HS6ST2: variants seen among roughly 807,000 people sequenced by gnomAD.
HS6ST2 encodes the protein heparan-sulfate 6-O-sulfotransferase 2.
HS6ST2 carries 17 observed loss-of-function variants against 33.0 expected under a neutral mutation model. That is an observed-to-expected ratio of 0.52 (90% CI 0.35 to 0.77). HS6ST2 has a LOEUF of 0.77. Among genes scored for constraint, HS6ST2 ranks in the 30% least tolerant of loss-of-function variants. The pLI, the probability that HS6ST2 is intolerant of heterozygous loss-of-function variation, is 0.01. For missense variants in HS6ST2, 519 were observed against 551.7 expected (o/e 0.94, Z 0.59); for synonymous variants, 248 against 237.1 (o/e 1.05, Z -0.42).
intron 2 of HS6ST2, among the ~76,000 whole-genome samples, chrX:132,805,843 A>T (rs1178659037): frequency 9.0e-6 from 1 of 110,656 alleles, no homozygotes; most frequent in Non-Finnish European, 1.9e-5. Context: ...GACACCCACT[A>T]GAGGCCACCT....
chrX:132,774,950 G>A (rs1284620079), intron 2 of HS6ST2, among the ~76,000 whole-genome samples: 1 of 110,895 alleles, frequency 9.0e-6, no homozygotes. Flanking sequence ...AAAATTGCTG[G>A]GATTACAAGC....
intron 2 of HS6ST2, among the ~76,000 whole-genome samples, chrX:132,878,389 T>C (rs1176222947): frequency 8.9e-6 from 1 of 112,135 alleles, no homozygotes; most frequent in African/African-American, 3.2e-5. Context: ...GCAGGTTCCC[T>C]TATCTGCACA....
chrX:132,847,097 C>T (rs927357871), intron 2 of HS6ST2, among the ~76,000 whole-genome samples: 7 of 111,348 alleles, frequency 6.3e-5, no homozygotes, highest in African/African-American at 2.0e-4. Context: ...GGTCTTGAAA[C>T]ACTACAGCTG....
At chrX:132,674,722 C>T (rs946554202) in intron 3 of HS6ST2, among the ~76,000 whole-genome samples, 1 of 112,216 alleles carries the variant, frequency 8.9e-6, no homozygotes, top group African/African-American at 3.2e-5. Context: ...TCTTTACCAA[C>T]AGTATGGACC....
At chrX:132,723,129 G>A (rs1261005090) in intron 2 of HS6ST2, among the ~76,000 whole-genome samples, 3 of 111,007 alleles carry the variant, frequency 2.7e-5, no homozygotes, top group Admixed American at 9.6e-5. Context: ...TGAACCATGA[G>A]GAAATCCTAA....
chrX:132,746,011 A>G (rs1167296078), intron 2 of HS6ST2, among the ~76,000 whole-genome samples: 2 of 112,135 alleles, frequency 1.8e-5, no homozygotes, highest in African/African-American at 3.2e-5. Context: ...AGCCTTGGCT[A>G]CAGTACAAAA....
chrX:132,936,065 A>C (rs1375333541), intron 2 of HS6ST2, among the ~76,000 whole-genome samples: 1 of 19,406 alleles, frequency 5.2e-5, no homozygotes. Context: ...TTCTTTGAAG[A>C]GATCAACAAA....
chrX:132,849,144 T>C (rs917509989), intron 2 of HS6ST2, among the ~76,000 whole-genome samples: 8 of 112,078 alleles, frequency 7.1e-5, no homozygotes, highest in African/African-American at 1.6e-4. Context: ...CTCTCTGTTG[T>C]AATTTTTAAT....
At chrX:132,951,492 C>A (rs757910703) in intron 2 of HS6ST2, among the ~76,000 whole-genome samples, 10 of 111,370 alleles carry the variant, frequency 9.0e-5, no homozygotes, top group African/African-American at 3.3e-4. Context: ...TGGCCTGTTC[C>A]TCATACTTTA....
intron 2 of HS6ST2, among the ~76,000 whole-genome samples, chrX:132,761,663 T>C (rs1434791200): frequency 8.9e-6 from 1 of 112,092 alleles, no homozygotes; most frequent in Non-Finnish European, 1.9e-5. Context: ...AGGAGAGTTA[T>C]TACATCTTCT....
intron 2 of HS6ST2, among the ~76,000 whole-genome samples, chrX:132,854,117 T>C (rs1728281857): frequency 8.9e-6 from 1 of 112,035 alleles, no homozygotes; most frequent in Non-Finnish European, 1.9e-5. Flanking sequence ...GCAGATCATC[T>C]TAACAGCGTT....
Position 132,753,976 on chromosome X carries a change from CAATT to C in HS6ST2, c.948-45486_948-45483del, listed in dbSNP as rs968035103. ...CTTGATTAATAAGGTACCTTTGTCA[CAATT>C]AATGAGCTAATATCAATTTGTTATT... On this transcript the variant is annotated intron_variant, in intron 2 of 4. Transcript: ENST00000370833. 6.2e-5 allele frequency among the ~76,000 whole-genome samples: 7 copies of C among 112,472 alleles called. No individual in the cohort carries two copies. In the East Asian group the frequency reaches 2.0e-3, roughly 31 times the overall value.
At position 132,873,779 on chromosome X, in the gene HS6ST2, T is replaced by C. The variant is rs745632063; in HGVS notation, c.947+83029A>G. ...AACAAACTTATGAACTTGTTAAGAA[T>C]AGAAGTATCCATATACTGAATGAGC... On this transcript the variant is annotated intron_variant, in intron 2 of 4. Coordinates refer to ENST00000370833, the MANE Select transcript of HS6ST2 (RefSeq NM_001394073.1). 4.4e-4 allele frequency among the ~76,000 whole-genome samples: 49 copies of C among 111,398 alleles called. 1 individual carries two copies. Among genetic ancestry groups the C allele is most frequent in the African/African-American group, 1.5e-3 (46 of 30,712 alleles).
rs1327685839 is a variant in HS6ST2, at chrX:132,952,540, TAC to T, written c.947+4266_947+4267del. Among the ~76,000 whole-genome samples the T allele has an allele frequency of 5.4e-5, 6 of 111,045 alleles. No individual in the cohort carries two copies. In the East Asian group the frequency reaches 1.7e-3, roughly 31 times the overall value. On this transcript the variant is annotated intron_variant, in intron 2 of 4. Transcript: ENST00000370833. ...CGTGGGCTTGTGAGGCATGATCAGGTACACACACTCTATAGTTACAGCTCTTT... is the reference window on the plus strand; with the variant it reads ...CGTGGGCTTGTGAGGCATGATCAGGTACACACTCTATAGTTACAGCTCTTT...
intron 2 of HS6ST2, among the ~76,000 whole-genome samples, chrX:132,944,869 AC>A (rs1283251385): frequency 9.0e-6 from 1 of 111,507 alleles, no homozygotes; most frequent in African/African-American, 3.3e-5. Context: ...TGGATTAAAG[AC>A]TTAAATGTTA....
At chrX:132,927,413 C>T (rs1269386899) in intron 2 of HS6ST2, among the ~76,000 whole-genome samples, 4 of 111,805 alleles carry the variant, frequency 3.6e-5, no homozygotes, top group African/African-American at 9.8e-5. Flanking sequence ...AGTCCCAATG[C>T]CTTCTCACTG....
At chrX:132,904,362 C>T (rs772599689) in intron 2 of HS6ST2, among the ~76,000 whole-genome samples, 1 of 110,774 alleles carries the variant, frequency 9.0e-6, no homozygotes, top group Non-Finnish European at 1.9e-5. Context: ...TAAAAGTTTC[C>T]GGCTTTTACT....
At chrX:132,661,339 A>C (rs1569478540) in intron 4 of HS6ST2, among the ~76,000 whole-genome samples, 1 of 110,980 alleles carries the variant, frequency 9.0e-6, no homozygotes, top group Non-Finnish European at 1.9e-5. Context: ...AGCTCCTAAA[A>C]CTTAGTAAGT....
intron 3 of HS6ST2, among the ~76,000 whole-genome samples, chrX:132,678,417 T>C (rs1479490324): frequency 1.8e-5 from 2 of 112,088 alleles, no homozygotes; most frequent in Non-Finnish European, 3.8e-5. Flanking sequence ...CAACAAGATA[T>C]TGAAAATGCC....
Sources: gnomAD v4.1 joint callset for allele counts (sites outside exome capture counted in the v4.1 genomes callset) on GRCh38, gnomAD v4.1.1 for gene constraint, MANE v1.5 for transcripts, NCBI Gene and HGNC (gene_info 2026-07-23, HGNC 2026-07-21) for gene names.